Variants in FBXL18 observed in about 807,000 individuals in gnomAD.
FBXL18 encodes the protein F-box and leucine rich repeat protein 18.
In FBXL18, 36 loss-of-function variants were observed where a neutral mutation model predicts 46.0. That is an observed-to-expected ratio of 0.78 (90% CI 0.60 to 1.03). FBXL18 has a LOEUF of 1.03. Ranked by LOEUF, FBXL18 falls within the 50% of genes least tolerant of loss-of-function variation. The probability of loss-of-function intolerance (pLI) is 0.00; values close to 1 mark genes in which losing one functional copy is unlikely to be tolerated. For missense variants in FBXL18, 977 were observed against 1,004.1 expected (o/e 0.97, Z 0.36); for synonymous variants, 557 against 465.3 (o/e 1.20, Z -2.54).
chr7:5,509,148 G>A (rs1584246760), intron 1 of FBXL18, among the ~76,000 whole-genome samples: 1 of 144,264 alleles, frequency 6.9e-6, no homozygotes, highest in African/African-American at 2.6e-5. Flanking sequence ...AGCCGAGATC[G>A]CACCACTGCA....
rs1048734184 is a variant in FBXL18 at position 5,455,138 on chromosome 7, G to A, written c.2001-7295C>T. On this transcript the variant is annotated intron_variant and NMD_transcript_variant, in intron 4 of 6. Coordinates refer to the FBXL18 transcript ENST00000415009. This position sits in a 1 kb window ranked among gnomAD's most constrained non-coding sequence, Gnocchi z 4.6. ...GGCTTCCTATCCTCTTGCTCAGGGA[G>A]CAACCCTGGCACTACTGGGGAGGAC... 3.9e-5 allele frequency among the ~76,000 whole-genome samples: 6 copies of A among 152,148 alleles called. No homozygotes were observed. The highest frequency in any genetic ancestry group is 2.0e-4 in the Admixed American group (3 of 15,282).
At chr7:5,482,824 C>A (rs1783682715) in intron 4 of FBXL18, among the ~76,000 whole-genome samples, 1 of 152,000 alleles carries the variant, frequency 6.6e-6, no homozygotes, top group African/African-American at 2.4e-5. Context: ...TTGTTTGAGG[C>A]CAGGAGTCCC....
chr7:5,505,436 G>C lies in FBXL18; in HGVS notation c.213C>G (p.Thr71=), dbSNP rs376705254. The C allele has an allele frequency of 6.2e-6, 10 of 1,613,964 alleles. No homozygotes were observed. Among genetic ancestry groups the C allele is most frequent in the African/African-American group, 2.7e-5 (2 of 74,906 alleles). The change falls in exon 2 of 5, where the codon ACC becomes ACG. Residue 71 remains threonine, a synonymous_variant. Transcript: ENST00000382368. The part of the protein sequence containing the change: ...ALCLDKSLIH[T]VLLQKDYQAS... ...CCTGATAGTCCTTTTGCAGCAACAC[G>C]GTGTGGATGAGGCTCTTGTCAAGGC...
chr7:5,509,681 G>A (rs1784479395), intron 1 of FBXL18, among the ~76,000 whole-genome samples: 1 of 138,854 alleles, frequency 7.2e-6, no homozygotes, highest in African/African-American at 2.7e-5. Context: ...CAGCCTGGGT[G>A]ACAGAGTGAG....
intron 4 of FBXL18, among the ~76,000 whole-genome samples, chr7:5,467,155 T>C (rs1783353037): frequency 6.6e-6 from 1 of 152,084 alleles, no homozygotes. Context: ...ATCGAGACCA[T>C]CCTGGCTTAC....
At position 5,478,112 on chromosome 7, in the gene FBXL18, C is replaced by G. The variant is rs1022938888; in HGVS notation, c.*3663G>C. The G allele has an allele frequency of 6.6e-6, 1 of 152,386 alleles. No individual in the cohort carries two copies. Among genetic ancestry groups the G allele is most frequent in the African/African-American group, 2.4e-5 (1 of 41,470 alleles). The allele number at this position is 152,386 out of a possible 1,614,324, so 9.4% of individuals were successfully genotyped here. A position where few individuals can be genotyped will look rare whatever the true frequency, so the allele number is the denominator to read the frequency against. On this transcript the variant is annotated 3_prime_UTR_variant, in exon 5 of 5. Coordinates refer to ENST00000382368, the MANE Select transcript of FBXL18 (RefSeq NM_024963.6). Reference sequence around the variant, plus strand: ...TTTGCAGCGCAAGAGGAGCTCAGCCCGTCCTGGCTGCCGTCCTGGGTCGAA... The same window carrying G: ...TTTGCAGCGCAAGAGGAGCTCAGCCGGTCCTGGCTGCCGTCCTGGGTCGAA...
chr7:5,464,071 C>T (rs922521601), intron 4 of FBXL18, among the ~76,000 whole-genome samples: 9 of 152,178 alleles, frequency 5.9e-5, no homozygotes, highest in South Asian at 2.1e-4. Flanking sequence ...ACTGGCCGGG[C>T]GCGGTGACTC....
At chr7:5,504,099 C>T (rs550999628) in intron 2 of FBXL18, among the ~76,000 whole-genome samples, 10 of 151,618 alleles carry the variant, frequency 6.6e-5, no homozygotes, top group African/African-American at 1.9e-4. Context: ...AGGGAGCACA[C>T]TCAGCTCCCT....
chr7:5,473,068 A>T (rs948060128), downstream of FBXL18, among the ~76,000 whole-genome samples: 3 of 151,952 alleles, frequency 2.0e-5, no homozygotes, highest in African/African-American at 7.3e-5. Context: ...CCCACTGCCC[A>T]ATTCCCCAGC....
At chr7:5,459,322 G>C (rs1214555818) in intron 4 of FBXL18, among the ~76,000 whole-genome samples, 1 of 152,220 alleles carries the variant, frequency 6.6e-6, no homozygotes, top group Non-Finnish European at 1.5e-5. Context: ...GCACAAGGGG[G>C]CCGGGCGTGG....
chr7:5,466,894 T>C (rs549316773), intron 4 of FBXL18, among the ~76,000 whole-genome samples: 6 of 152,260 alleles, frequency 3.9e-5, no homozygotes, highest in Non-Finnish European at 5.9e-5. Flanking sequence ...CTCAGTGGGC[T>C]TGTGGGGAAC....
intron 3 of FBXL18, 67 bp downstream of exon 3, chr7:5,500,421 C>G (rs1303576473): frequency 1.4e-6 from 2 of 1,437,800 alleles, no homozygotes; most frequent in Admixed American, 2.1e-5. Flanking sequence ...CCGAACTCCA[C>G]GCGAACGCCC....
chr7:5,491,488 G>A (rs1279963176), intron 3 of FBXL18, 39 bp from the exon 4 acceptor site: 1 of 1,500,972 alleles, frequency 6.7e-7, no homozygotes, highest in African/African-American at 1.4e-5. Flanking sequence ...CCGAGGGAGG[G>A]GCTCGCAGGC....
intron 4 of FBXL18, among the ~76,000 whole-genome samples, chr7:5,469,630 C>T (rs1021213892): frequency 2.0e-5 from 3 of 150,988 alleles, no homozygotes; most frequent in African/African-American, 4.9e-5. Flanking sequence ...TGAGTGTGAG[C>T]GTGCAAGGGT....
intron 1 of FBXL18, among the ~76,000 whole-genome samples, chr7:5,505,947 C>T (rs1477614794): frequency 2.6e-5 from 4 of 152,170 alleles, no homozygotes; most frequent in Admixed American, 2.6e-4. Flanking sequence ...TCACTGCAAC[C>T]TCCGCCTCCC....
At chr7:5,494,807 C>T (rs1188948087) in intron 3 of FBXL18, among the ~76,000 whole-genome samples, 3 of 152,360 alleles carry the variant, frequency 2.0e-5, no homozygotes, top group Non-Finnish European at 4.4e-5. Flanking sequence ...GGCGATGCGG[C>T]TCCGTGCTAC....
chr7:5,463,750 T>A (rs866003872), intron 4 of FBXL18, among the ~76,000 whole-genome samples: 2,102 of 102,820 alleles, frequency 0.02, 127 homozygotes, highest in African/African-American at 0.063. Context: ...TTTTTTTTTT[T>A]TTTTTTTTGA....
intron 1 of FBXL18, among the ~76,000 whole-genome samples, chr7:5,512,297 TAAAAAAAA>T (rs71004681): frequency 0.13 from 11,439 of 85,594 alleles, 966 homozygotes; most frequent in African/African-American, 0.29. Context: ...AAGTGTTATT[TAAAAAAAA>T]AAAAAAAAAA....
At position 5,463,734 on chromosome 7, in the gene FBXL18, T is replaced by TATTTA. The variant is rs1562672319; in HGVS notation, c.2001-15892_2001-15891insTAAAT. Among the ~76,000 whole-genome samples the TATTTA allele has an allele frequency of 7.7e-4, 45 of 58,420 alleles. 2 individuals are homozygous for TATTTA. Among genetic ancestry groups the TATTTA allele is most frequent in the Admixed American group, 3.6e-3 (16 of 4,492 alleles). 38.3% of individuals were successfully genotyped at this position (58,420 alleles called of 152,430 possible). On this transcript the variant is annotated intron_variant and NMD_transcript_variant, in intron 4 of 6. Transcript: ENST00000415009. ...TTTATTTATTTATTTATTTATTTTT[T>TATTTA]TTTTTTTTTTTTTTTTTTTTTTTTG...
Sources: allele counts gnomAD v4.1 joint callset (sites outside exome capture counted in the v4.1 genomes callset), GRCh38; gene constraint gnomAD v4.1.1; non-coding constraint Gnocchi (gnomAD v3.1); transcripts MANE v1.5; gene names NCBI Gene and HGNC (gene_info 2026-07-23, HGNC 2026-07-21).